Variants in CRB1 observed in about 807,000 individuals in gnomAD.
The protein encoded by CRB1 is protein crumbs homolog 1.
A neutral mutation model predicts 120.0 loss-of-function variants in CRB1; 83 were observed. The observed-to-expected ratio is 0.69, with a 90% CI of 0.58 to 0.83. The LOEUF is 0.83. Among genes scored for constraint, CRB1 ranks in the 40% least tolerant of loss-of-function variants. CRB1 has a pLI of 0.00. For missense variants in CRB1, 1,699 were observed against 1,687.6 expected, an observed-to-expected ratio of 1.01 and a Z score of -0.12; for synonymous variants, 625 against 612.5, an observed-to-expected ratio of 1.02 and a Z score of -0.30.
intron 11 of CRB1, among the ~76,000 whole-genome samples, chr1:197,467,814 A>T (rs115354541): frequency 2.6e-5 from 4 of 152,218 alleles, no homozygotes; most frequent in Non-Finnish European, 5.9e-5. Context: ...TAATGAAGCT[A>T]CTATGTTGAA....
At chr1:197,433,654 A>G (rs992206439) in intron 8 of CRB1, among the ~76,000 whole-genome samples, 1 of 152,150 alleles carries the variant, frequency 6.6e-6, no homozygotes, top group African/African-American at 2.4e-5. Context: ...GTGTATTTTT[A>G]TTTTTTAAGA....
At chr1:197,460,626 G>A (rs943775601) in intron 11 of CRB1, among the ~76,000 whole-genome samples, 4 of 152,072 alleles carry the variant, frequency 2.6e-5, no homozygotes, top group Middle Eastern at 3.2e-3. Context: ...ATGCTGAAAC[G>A]AAGGCCCAAA....
chr1:197,255,922 A>AAC, the CRB1 span, among the ~76,000 whole-genome samples: 929 of 146,040 alleles, frequency 6.4e-3, 5 homozygotes, highest in Admixed American at 0.011. Flanking sequence ...GGCCATTCCC[A>AAC]ACAGCATTCA....
At chr1:197,392,393 A>G (rs948685575) in intron 5 of CRB1, among the ~76,000 whole-genome samples, 4 of 152,152 alleles carry the variant, frequency 2.6e-5, no homozygotes, top group South Asian at 2.1e-4. Context: ...TCATAATTAT[A>G]GACAGCTGGA....
At chr1:197,256,994 C>T in the CRB1 span, among the ~76,000 whole-genome samples, 221 of 149,864 alleles carry the variant, frequency 1.5e-3, 2 homozygotes, top group East Asian at 7.9e-4. Context: ...AATTGGCTCA[C>T]GTTCACTCCC....
intron 5 of CRB1, among the ~76,000 whole-genome samples, chr1:197,367,542 C>G (rs187341265): frequency 9.9e-5 from 15 of 152,280 alleles, no homozygotes; most frequent in Admixed American, 8.5e-4. Flanking sequence ...ACCCTTGAAC[C>G]ATCCTGTTCT....
At position 197,344,328 on chromosome 1, in the gene CRB1, T is replaced by G. The variant is rs1396369370; in HGVS notation, c.700T>G (p.Leu234Val). 1.9e-6 allele frequency: 3 copies of G among 1,614,200 alleles called. No individual in the cohort carries two copies. The highest frequency in any genetic ancestry group is 2.5e-6 in the Non-Finnish European group (3 of 1,180,032). The change falls in exon 3 of 12, where the codon TTA becomes GTA. Residue 234 changes from leucine (L) to valine (V), a missense_variant. Leu to Val is a conservative substitution (Grantham distance 32, BLOSUM62 1). Coordinates refer to ENST00000367400, the MANE Select transcript of CRB1 (RefSeq NM_201253.3). ...EIDECWSQPC[L>V]NGATCQDALG... ...TGACGAATGTTGGTCCCAGCCTTGTTTAAATGGTGCAACTTGTCAGGATGC... is the reference window on the plus strand; with the variant it reads ...TGACGAATGTTGGTCCCAGCCTTGTGTAAATGGTGCAACTTGTCAGGATGC...
chr1:197,290,265 C>CGT (rs10540136), intron 1 of CRB1, among the ~76,000 whole-genome samples: 25,779 of 136,706 alleles, frequency 0.19, 2,360 homozygotes, highest in Middle Eastern at 0.27. Flanking sequence ...TGTTCCCTTT[C>CGT]GTGTGTGTGT....
intron 5 of CRB1, among the ~76,000 whole-genome samples, chr1:197,411,684 TA>T (rs1342367843): frequency 6.6e-6 from 1 of 152,182 alleles, no homozygotes; most frequent in Non-Finnish European, 1.5e-5. Context: ...ATTAGCTATA[TA>T]GACTCATTTA....
intron 5 of CRB1, among the ~76,000 whole-genome samples, chr1:197,398,282 A>G (rs949525042): frequency 1.3e-5 from 2 of 152,176 alleles, no homozygotes; most frequent in Non-Finnish European, 2.9e-5. Context: ...TGCTGCTTAG[A>G]TTCCCATATT....
chr1:197,378,658 T>G (rs1661775320), intron 5 of CRB1, among the ~76,000 whole-genome samples: 1 of 152,216 alleles, frequency 6.6e-6, no homozygotes, highest in Non-Finnish European at 1.5e-5. Context: ...AAACATTTCA[T>G]AAGTGTCACA....
chr1:197,412,084 T>C (rs1421851051), intron 5 of CRB1, among the ~76,000 whole-genome samples: 1 of 152,248 alleles, frequency 6.6e-6, no homozygotes, highest in African/African-American at 2.4e-5. Flanking sequence ...ACATGTGTAT[T>C]CTATACGGTG....
chr1:197,260,371 G>GT, the CRB1 span, among the ~76,000 whole-genome samples: 3 of 152,040 alleles, frequency 2.0e-5, no homozygotes, highest in Non-Finnish European at 4.4e-5. Context: ...AATTAAAACT[G>GT]TAAGTTAGAT....
chr1:197,322,206 T>A (rs1453295487), intron 1 of CRB1, among the ~76,000 whole-genome samples: 1 of 152,082 alleles, frequency 6.6e-6, no homozygotes, highest in Non-Finnish European at 1.5e-5. Context: ...ACTGGCCAGG[T>A]ACGGTGGCTC....
chr1:197,286,579 T>G (rs964993370), intron 1 of CRB1, among the ~76,000 whole-genome samples: 1 of 151,884 alleles, frequency 6.6e-6, no homozygotes, highest in Admixed American at 6.6e-5. Context: ...TTACCCTAAT[T>G]ACTAAAAGGC....
At chr1:197,364,121 G>GA in intron 5 of CRB1, 1 of 861,650 alleles carries the variant, frequency 1.2e-6, no homozygotes. Context: ...GCTTGTGGAT[G>GA]GGACACCCAG....
At chr1:197,339,291 A>G (rs1008386829) in intron 2 of CRB1, among the ~76,000 whole-genome samples, 1 of 152,190 alleles carries the variant, frequency 6.6e-6, no homozygotes, top group Non-Finnish European at 1.5e-5. Flanking sequence ...TGACTATAAT[A>G]TCTAGGAGGA....
At chr1:197,364,857 C>T (rs879723989) in intron 5 of CRB1, among the ~76,000 whole-genome samples, 8 of 151,922 alleles carry the variant, frequency 5.3e-5, no homozygotes, top group Admixed American at 6.6e-5. Context: ...TAGATAATTC[C>T]AATATCTGAT....
intron 4 of CRB1, among the ~76,000 whole-genome samples, chr1:197,351,429 A>G (rs1237368959): frequency 6.6e-6 from 1 of 151,818 alleles, no homozygotes; most frequent in African/African-American, 2.4e-5. Context: ...AGCATGTCCA[A>G]TTGTGGAACT....
Sources: gnomAD v4.1 joint callset for allele counts (sites outside exome capture counted in the v4.1 genomes callset) on GRCh38, gnomAD v4.1.1 for gene constraint, MANE v1.5 for transcripts, NCBI Gene and HGNC (gene_info 2026-07-23, HGNC 2026-07-21) for gene names.